The following CBLB variants were observed in gnomAD, a reference collection of about 807,000 sequenced individuals.
CBLB encodes Cbl proto-oncogene B.
A neutral mutation model predicts 104.9 loss-of-function variants in CBLB; 31 were observed. The ratio of observed to expected loss-of-function variants is 0.30; its 90% CI spans 0.22 to 0.40. CBLB has a LOEUF of 0.40. CBLB is among the 10% of genes least tolerant of loss of function. The pLI is 1.00. For missense variants in CBLB, 1,062 were observed against 1,214.6 expected, an observed-to-expected ratio of 0.87 and a Z score of 1.87; for synonymous variants, 440 against 422.6, an observed-to-expected ratio of 1.04 and a Z score of -0.51.
At chr3:105,792,857 G>C (rs4894951) in intron 3 of CBLB, among the ~76,000 whole-genome samples, 152,096 of 152,294 alleles carry the variant, frequency 1, 75,950 homozygotes, top group Middle Eastern at 1. Flanking sequence ...ATCCATCTGC[G>C]GTGTCTAGTT....
rs569111971 is a variant in CBLB at position 105,693,347 on chromosome 3, A to C, written c.2054+147T>G. Reference sequence around the variant, plus strand: ...AAAGTATAGGGAAGGATCTTAATTTATGGTAATTTAGTTTGTAAATACAGC... The same window carrying C: ...AAAGTATAGGGAAGGATCTTAATTTCTGGTAATTTAGTTTGTAAATACAGC... On this transcript the variant is annotated intron_variant, in intron 13 of 18. Coordinates refer to ENST00000394030, the MANE Select transcript of CBLB (RefSeq NM_170662.5). 24 of 645,910 alleles carry C rather than the reference A, an allele frequency of 3.7e-5. No individual in the cohort carries two copies. In the East Asian group the frequency reaches 5.5e-4, roughly 15 times the overall value. The allele number at this position is 645,910 out of a possible 1,614,324, so 40.0% of individuals were successfully genotyped here.
Position 105,702,473 on chromosome 3 carries a change from A to ATT in CBLB, c.1594-15_1594-14insAA. 9.9e-7 allele frequency: 1 copy of ATT among 1,010,824 alleles called. No homozygotes were observed. The highest frequency in any genetic ancestry group is 1.4e-6 in the Non-Finnish European group (1 of 733,450). 62.6% of individuals were successfully genotyped at this position (1,010,824 alleles called of 1,614,324 possible). A position where few individuals can be genotyped will look rare whatever the true frequency, so the allele number is the denominator to read the frequency against. On this transcript the variant is annotated splice_polypyrimidine_tract_variant and intron_variant, in intron 11 of 18. Transcript: ENST00000394030. ...GCAAGGAGAAGACTAAAGAAACAGA[A>ATT]GAGAAAAAAAAAAAAAAAAAAAAAA...
At chr3:105,780,771 T>A (rs934530727) in intron 3 of CBLB, among the ~76,000 whole-genome samples, 2 of 150,136 alleles carry the variant, frequency 1.3e-5, no homozygotes, top group Admixed American at 6.7e-5. Flanking sequence ...CATGCCATTC[T>A]CCTGCCTCAG....
chr3:105,829,703 C>CAAAAAAAAAAAAAAAAAA (rs1553844797), intron 3 of CBLB, among the ~76,000 whole-genome samples: 2 of 60,104 alleles, frequency 3.3e-5, no homozygotes, highest in African/African-American at 5.4e-5. Context: ...AAAAAAAAAC[C>CAAAAAAAAAAAAAAAAAA]AAACTGCAGC....
At chr3:105,703,753 A>C (rs1158924300) in intron 11 of CBLB, among the ~76,000 whole-genome samples, 2 of 152,208 alleles carry the variant, frequency 1.3e-5, no homozygotes, top group Non-Finnish European at 2.9e-5. Flanking sequence ...TCTGCTTCTT[A>C]TTCTGGCAAA....
chr3:105,782,671 C>G (rs2080427572), intron 3 of CBLB, among the ~76,000 whole-genome samples: 1 of 151,142 alleles, frequency 6.6e-6, no homozygotes, highest in Non-Finnish European at 1.5e-5. Context: ...ACAGCAACCT[C>G]CACCTCATGG....
chr3:105,754,392 C>T (rs2076853080), intron 4 of CBLB, among the ~76,000 whole-genome samples: 7 of 151,486 alleles, frequency 4.6e-5, no homozygotes, highest in Admixed American at 4.6e-4. Flanking sequence ...ACTACCTCTT[C>T]CTTTAGAGAT....
chr3:105,754,447 G>C (rs1014007426), intron 4 of CBLB, among the ~76,000 whole-genome samples: 1 of 138,902 alleles, frequency 7.2e-6, no homozygotes, highest in Non-Finnish European at 1.5e-5. Context: ...TTTTACAAAT[G>C]TAGAAATTTC....
At chr3:105,669,761 G>A (rs9878058) in intron 18 of CBLB, among the ~76,000 whole-genome samples, 32,611 of 152,008 alleles carry the variant, frequency 0.21, 3,615 homozygotes, top group Admixed American at 0.26. Flanking sequence ...CATTATTAAC[G>A]GTTGTGAGTA....
chr3:105,709,491 C>G (rs988218007), intron 10 of CBLB, among the ~76,000 whole-genome samples: 1 of 151,734 alleles, frequency 6.6e-6, no homozygotes, highest in African/African-American at 2.4e-5. Flanking sequence ...TTAAAGAACA[C>G]CTACATATAG....
At chr3:105,737,084 G>A (rs1331375385) in intron 8 of CBLB, 87 bp downstream of exon 8, 2 of 600,646 alleles carry the variant, frequency 3.3e-6, no homozygotes, top group Non-Finnish European at 5.9e-6. Context: ...ACCTGTGCAT[G>A]ATTTTAACTA....
intron 18 of CBLB, among the ~76,000 whole-genome samples, chr3:105,669,497 T>A (rs1180923170): frequency 6.6e-6 from 1 of 152,194 alleles, no homozygotes; most frequent in Non-Finnish European, 1.5e-5. Flanking sequence ...TATGGTATTG[T>A]GTTATAGTAG....
intron 3 of CBLB, among the ~76,000 whole-genome samples, chr3:105,803,656 G>A (rs964724101): frequency 6.6e-6 from 1 of 152,050 alleles, no homozygotes; most frequent in African/African-American, 2.4e-5. Flanking sequence ...TCTAACTGGG[G>A]GTGGGAGTAA....
intron 8 of CBLB, among the ~76,000 whole-genome samples, chr3:105,734,635 G>A (rs990568107): frequency 3.9e-5 from 6 of 152,060 alleles, no homozygotes; most frequent in African/African-American, 9.7e-5. Context: ...AGCACTTCCC[G>A]CATGCCAGGC....
chr3:105,732,272 C>T (rs1424131098), intron 9 of CBLB, among the ~76,000 whole-genome samples: 1 of 152,166 alleles, frequency 6.6e-6, no homozygotes, highest in East Asian at 1.9e-4. Flanking sequence ...CTTCTACCAA[C>T]ATATCTACAT....
chr3:105,841,931 G>C (rs1224519041), intron 3 of CBLB, among the ~76,000 whole-genome samples: 1 of 151,738 alleles, frequency 6.6e-6, no homozygotes, highest in African/African-American at 2.4e-5. Context: ...CTTGCAACCA[G>C]ATACTGCCAG....
intron 13 of CBLB, among the ~76,000 whole-genome samples, chr3:105,691,699 C>A (rs976702150): frequency 6.6e-6 from 1 of 152,198 alleles, no homozygotes; most frequent in African/African-American, 2.4e-5. Context: ...TTAGAGCCTA[C>A]TACCCAGAGT....
intron 4 of CBLB, among the ~76,000 whole-genome samples, chr3:105,756,075 T>C (rs2077055356): frequency 6.6e-6 from 1 of 152,224 alleles, no homozygotes; most frequent in African/African-American, 2.4e-5. Context: ...TTTTCTGTAT[T>C]TGTTCATGGT....
intron 4 of CBLB, among the ~76,000 whole-genome samples, chr3:105,755,091 A>G (rs1276960766): frequency 6.7e-6 from 1 of 149,968 alleles, no homozygotes; most frequent in African/African-American, 2.5e-5. Context: ...GGTTAGTTAC[A>G]TATGTATACA....
Sources: allele counts gnomAD v4.1 joint callset (sites outside exome capture counted in the v4.1 genomes callset), GRCh38; gene constraint gnomAD v4.1.1; transcripts MANE v1.5; gene names NCBI Gene and HGNC (gene_info 2026-07-23, HGNC 2026-07-21).